The following PCAT7 variants were observed in gnomAD, a reference collection of about 807,000 sequenced individuals.
The protein encoded by PCAT7 is prostate cancer associated transcript 7, also known as prostate cancer associated transcript 7 (non-protein coding).
intron 2 of PCAT7, among the ~76,000 whole-genome samples, chr9:94,571,791 A>G (rs1413284068): frequency 2.0e-5 from 3 of 152,238 alleles, no homozygotes; most frequent in African/African-American, 4.8e-5. Flanking sequence ...AGCCATGGCA[A>G]AGGCCATTCT....
chr9:94,562,357 A>G (rs915923430), intron 2 of PCAT7, among the ~76,000 whole-genome samples: 3 of 150,370 alleles, frequency 2.0e-5, no homozygotes, highest in Non-Finnish European at 4.4e-5. Context: ...CATGTCTTCT[A>G]CTTGCCTCAC....
At chr9:94,554,855 G>C (rs377372200), upstream of PCAT7, among the ~76,000 whole-genome samples, 1 of 152,166 alleles carries the variant, frequency 6.6e-6, no homozygotes, top group Admixed American at 6.5e-5. Flanking sequence ...CGGGTACGTA[G>C]TAGCTCCCCA....
At chr9:94,568,246 A>G (rs1364802616) in intron 2 of PCAT7, 3 of 152,220 alleles carry the variant, frequency 2.0e-5, no homozygotes, top group Non-Finnish European at 4.4e-5. Flanking sequence ...CGCTTTCATC[A>G]GACACTGTGT....
chr9:94,566,090 A>G (rs112654536), intron 2 of PCAT7, among the ~76,000 whole-genome samples: 2 of 152,210 alleles, frequency 1.3e-5, no homozygotes, highest in Admixed American at 6.5e-5. Flanking sequence ...AACAATGGCA[A>G]TTTTGCAAGA....
At chr9:94,565,920 C>G (rs991449153) in intron 2 of PCAT7, among the ~76,000 whole-genome samples, 2 of 152,004 alleles carry the variant, frequency 1.3e-5, no homozygotes, top group African/African-American at 4.8e-5. Flanking sequence ...CTAATTACAC[C>G]CATTCATTTT....
At chr9:94,574,040 T>C (rs984543677) in intron 3 of PCAT7, among the ~76,000 whole-genome samples, 3 of 152,230 alleles carry the variant, frequency 2.0e-5, no homozygotes, top group African/African-American at 7.2e-5. Flanking sequence ...TTGTAGTTTT[T>C]GAGACATTGG....
intron 2 of PCAT7, among the ~76,000 whole-genome samples, chr9:94,571,770 AGTTC>A (rs1392322450): frequency 6.6e-6 from 1 of 152,250 alleles, no homozygotes. Context: ...TGTTGCCAAC[AGTTC>A]TAGCTGAGCC....
chr9:94,562,309 C>CA (rs397893359), intron 2 of PCAT7, among the ~76,000 whole-genome samples: 463 of 71,772 alleles, frequency 6.5e-3, no homozygotes, highest in East Asian at 0.029. Flanking sequence ...GACTCCATCT[C>CA]AAAAAAAAAA....
rs1220061581 is a variant in PCAT7, at chr9:94,565,296, A to G, written n.441+6144A>G. Among the ~76,000 whole-genome samples, 3 of 147,226 alleles carry G rather than the reference A, an allele frequency of 2.0e-5. No individual in the cohort carries two copies. The East Asian group carries it at 5.9e-4, about 29-fold the overall frequency. ...AGGCTGAGGCAGGAGAATCGCTTGA[A>G]CCAGGGAGGCGGAGGTTGCAGTGAG... On this transcript the variant is annotated intron_variant and non_coding_transcript_variant, in intron 2 of 8. Transcript: ENST00000647389.
chr9:94,567,243 G>A (rs374994599), intron 2 of PCAT7: 7 of 1,613,138 alleles, frequency 4.3e-6, no homozygotes, highest in Non-Finnish European at 5.9e-6. Flanking sequence ...CATTCTGTCT[G>A]CCACCCACCT....
chr9:94,554,874 C>T (rs935744817), upstream of PCAT7, among the ~76,000 whole-genome samples: 1 of 152,198 alleles, frequency 6.6e-6, no homozygotes, highest in Non-Finnish European at 1.5e-5. Context: ...CACACCCACA[C>T]ATAAGTGCCA....
intron 2 of PCAT7, chr9:94,571,631 GTTA>G (rs894451633): frequency 6.3e-7 from 1 of 1,592,144 alleles, no homozygotes. Flanking sequence ...AATGCCATGT[GTTA>G]TTGTTGTCTC....
intron 2 of PCAT7, among the ~76,000 whole-genome samples, chr9:94,566,867 T>C (rs1236848185): frequency 2.0e-5 from 3 of 152,240 alleles, no homozygotes; most frequent in Non-Finnish European, 4.4e-5. Context: ...TAATCTCTTT[T>C]AATTTCATTT....
intron 1 of PCAT7, among the ~76,000 whole-genome samples, chr9:94,555,876 A>G (rs1342803912): frequency 6.6e-6 from 1 of 150,598 alleles, no homozygotes. Context: ...TGGGGAAAAG[A>G]CGGGAAAATA....
intron 2 of PCAT7, among the ~76,000 whole-genome samples, chr9:94,564,453 T>C (rs1428999022): frequency 6.6e-6 from 1 of 152,192 alleles, no homozygotes; most frequent in Non-Finnish European, 1.5e-5. Context: ...ATGTGCTACA[T>C]ATACACAATG....
chr9:94,555,692 A>C (rs930671069), intron 1 of PCAT7, among the ~76,000 whole-genome samples: 1 of 151,404 alleles, frequency 6.6e-6, no homozygotes, highest in Non-Finnish European at 1.5e-5. Context: ...GGGAGAAGGA[A>C]AAAGAGGGTA....
At chr9:94,563,355 C>G (rs778979791) in intron 2 of PCAT7, 1 of 1,614,048 alleles carries the variant, frequency 6.2e-7, no homozygotes, top group South Asian at 1.1e-5. Context: ...GCCCTTAGGG[C>G]TCTTCTGGTT....
At chr9:94,559,965 A>C (rs1370778221) in intron 2 of PCAT7, among the ~76,000 whole-genome samples, 1 of 152,118 alleles carries the variant, frequency 6.6e-6, no homozygotes. Flanking sequence ...TCTCTACAAA[A>C]AATTTAAAAA....
At chr9:94,565,650 G>C (rs1437552894) in intron 2 of PCAT7, among the ~76,000 whole-genome samples, 1 of 151,140 alleles carries the variant, frequency 6.6e-6, no homozygotes, top group Non-Finnish European at 1.5e-5. Flanking sequence ...TGACATAACA[G>C]AGACAGGTGT....
Sources: allele counts gnomAD v4.1 joint callset (sites outside exome capture counted in the v4.1 genomes callset), GRCh38; gene constraint gnomAD v4.1.1; transcripts MANE v1.5; gene names NCBI Gene and HGNC (gene_info 2026-07-23, HGNC 2026-07-21).